Variants in UBASH3B observed in about 807,000 individuals in gnomAD.
The protein encoded by UBASH3B is ubiquitin-associated and SH3 domain-containing protein B.
In UBASH3B, 37 loss-of-function variants were observed where a neutral mutation model predicts 83.4. The observed-to-expected ratio is 0.44, with a 90% CI of 0.34 to 0.58. The LOEUF is 0.58. Ranked by LOEUF, UBASH3B falls within the 20% of genes least tolerant of loss-of-function variation. UBASH3B has a pLI of 0.01. For synonymous variants in UBASH3B, 304 were observed against 318.3 expected (o/e 0.96, Z 0.48); for missense variants, 657 against 827.2 (o/e 0.79, Z 2.52).
At chr11:122,743,724 G>C (rs1591795007) in intron 1 of UBASH3B, among the ~76,000 whole-genome samples, 1 of 152,220 alleles carries the variant, frequency 6.6e-6, no homozygotes, top group Middle Eastern at 3.2e-3. Flanking sequence ...GTTGGGGTAC[G>C]GCACAAAGCA....
chr11:122,725,328 C>CAAAAAAAAAA (rs527272428), intron 1 of UBASH3B, among the ~76,000 whole-genome samples: 9 of 87,870 alleles, frequency 1.0e-4, no homozygotes, highest in South Asian at 3.7e-4. Context: ...GCACCATAAA[C>CAAAAAAAAAA]AAAAAAAAAA....
At position 122,808,162 on chromosome 11, in the gene UBASH3B, C is replaced by A; in HGVS notation, c.1798C>A (p.Gln600Lys). The A allele has an allele frequency of 1.2e-6, 2 of 1,614,056 alleles. No homozygotes were observed. Among genetic ancestry groups the A allele is most frequent in the Non-Finnish European group, 1.7e-6 (2 of 1,179,922 alleles). Residue 600 changes from glutamine (Q) to lysine (K), a missense_variant, in exon 13 of 14, where the codon CAA (glutamine) becomes AAA (lysine). Physicochemically the swap from Gln to Lys is moderately conservative, Grantham distance 53 (BLOSUM62 1). Coordinates refer to ENST00000284273, the MANE Select transcript of UBASH3B (RefSeq NM_032873.5). The part of the protein sequence containing the change: ...LSPQNSKDFV[Q>K]MVRKIPYLGF... ...ACCTCAGAACTCCAAGGACTTCGTACAAATGGTCCGAAAGGTAATTCATTC... is the reference window on the plus strand; with the variant it reads ...ACCTCAGAACTCCAAGGACTTCGTAAAAATGGTCCGAAAGGTAATTCATTC...
At chr11:122,799,543 A>C (rs532236295) in intron 10 of UBASH3B, among the ~76,000 whole-genome samples, 4 of 152,264 alleles carry the variant, frequency 2.6e-5, no homozygotes, top group African/African-American at 9.6e-5. Context: ...AAGTATACTA[A>C]TGTTTTCCTT....
At chr11:122,677,310 C>T (rs1415163511) in intron 1 of UBASH3B, among the ~76,000 whole-genome samples, 2 of 152,136 alleles carry the variant, frequency 1.3e-5, no homozygotes, top group African/African-American at 4.8e-5. Flanking sequence ...TGGAATCATT[C>T]CCCTATGGAT....
At chr11:122,727,259 C>CCACA (rs1350850567) in intron 1 of UBASH3B, among the ~76,000 whole-genome samples, 11 of 152,290 alleles carry the variant, frequency 7.2e-5, no homozygotes, top group African/African-American at 2.6e-4. Flanking sequence ...AAGTGCTGAG[C>CCACA]CACACAGAAG....
intron 1 of UBASH3B, among the ~76,000 whole-genome samples, chr11:122,723,738 A>G (rs1591786994): frequency 6.6e-6 from 1 of 152,172 alleles, no homozygotes; most frequent in East Asian, 1.9e-4. Context: ...TTAGTGGTAA[A>G]CCTTTCCTGT....
At chr11:122,787,383 T>C (rs1036366674) in intron 5 of UBASH3B, among the ~76,000 whole-genome samples, 2 of 152,096 alleles carry the variant, frequency 1.3e-5, no homozygotes, top group Non-Finnish European at 2.9e-5. Context: ...GACCTAGAAC[T>C]GAAAGATGCT....
intron 1 of UBASH3B, among the ~76,000 whole-genome samples, chr11:122,701,599 C>T (rs571230762): frequency 6.6e-6 from 1 of 152,186 alleles, no homozygotes; most frequent in Admixed American, 6.5e-5. Context: ...TCACAGGGTC[C>T]TCGCTTGCAT....
At chr11:122,671,433 T>C (rs1863591906) in intron 1 of UBASH3B, among the ~76,000 whole-genome samples, 1 of 152,196 alleles carries the variant, frequency 6.6e-6, no homozygotes, top group South Asian at 2.1e-4. Context: ...GCAATCAAGA[T>C]ACCCTCCTGG....
chr11:122,718,468 G>C (rs140032569), intron 1 of UBASH3B, among the ~76,000 whole-genome samples: 6 of 152,230 alleles, frequency 3.9e-5, no homozygotes, highest in Admixed American at 3.9e-4. Context: ...ATCTCCAGCC[G>C]TGTGACCTTG....
intron 1 of UBASH3B, among the ~76,000 whole-genome samples, chr11:122,696,139 G>A (rs1863962110): frequency 6.6e-6 from 1 of 150,954 alleles, no homozygotes; most frequent in Non-Finnish European, 1.5e-5. Flanking sequence ...TAGTAGAGAC[G>A]GGGTTTCACC....
intron 1 of UBASH3B, among the ~76,000 whole-genome samples, chr11:122,711,058 A>C (rs1864184542): frequency 6.6e-6 from 1 of 152,184 alleles, no homozygotes; most frequent in African/African-American, 2.4e-5. Flanking sequence ...CTGTTCTCTG[A>C]TGACTGTTGG....
intron 1 of UBASH3B, among the ~76,000 whole-genome samples, chr11:122,719,446 A>C (rs1406276436): frequency 1.3e-5 from 2 of 152,088 alleles, no homozygotes; most frequent in Non-Finnish European, 2.9e-5. Context: ...CCTTTCTTTC[A>C]TTACTCTCTC....
chr11:122,747,938 A>G (rs760399807), intron 1 of UBASH3B, among the ~76,000 whole-genome samples: 1 of 152,200 alleles, frequency 6.6e-6, no homozygotes, highest in Non-Finnish European at 1.5e-5. Flanking sequence ...GACTGTTGTG[A>G]GGGTTAAATG....
intron 1 of UBASH3B, among the ~76,000 whole-genome samples, chr11:122,762,714 G>C (rs1001108429): frequency 6.6e-6 from 1 of 152,072 alleles, no homozygotes; most frequent in East Asian, 1.9e-4. Flanking sequence ...TTATGTTATC[G>C]CCTTACCTGA....
intron 1 of UBASH3B, among the ~76,000 whole-genome samples, chr11:122,682,920 C>T (rs1382681096): frequency 6.6e-6 from 1 of 152,194 alleles, no homozygotes; most frequent in Non-Finnish European, 1.5e-5. Context: ...ATCAATACCA[C>T]CCACTTCCCC....
At chr11:122,757,957 C>T (rs1178172768) in intron 1 of UBASH3B, among the ~76,000 whole-genome samples, 2 of 147,324 alleles carry the variant, frequency 1.4e-5, no homozygotes, top group East Asian at 2.1e-4. Flanking sequence ...CCACCCGCCT[C>T]GGCCTCCCAA....
At chr11:122,688,510 A>G (rs1863838220) in intron 1 of UBASH3B, among the ~76,000 whole-genome samples, 3 of 150,424 alleles carry the variant, frequency 2.0e-5, no homozygotes, top group South Asian at 2.1e-4. Flanking sequence ...CAGTAGTGCA[A>G]TCTCGGCTCA....
At position 122,796,850 on chromosome 11, in the gene UBASH3B, A is replaced by G. The variant is rs1428893738; in HGVS notation, c.1235-61A>G. Reference sequence around the variant, plus strand: ...GGGGGTGGAGAGTGTCAGGATCAGTAAGGGAGTCCCAAGTAAACAAGAAAT... The same window carrying G: ...GGGGGTGGAGAGTGTCAGGATCAGTGAGGGAGTCCCAAGTAAACAAGAAAT... On this transcript the variant is annotated intron_variant, in intron 8 of 13. Coordinates refer to ENST00000284273, the MANE Select transcript of UBASH3B (RefSeq NM_032873.5). 6 of 1,612,290 alleles carry G rather than the reference A, an allele frequency of 3.7e-6. No homozygotes were observed. The Admixed American group carries it at 1.0e-4, about 27-fold the overall frequency.
Sources: allele counts gnomAD v4.1 joint callset (sites outside exome capture counted in the v4.1 genomes callset), GRCh38; gene constraint gnomAD v4.1.1; transcripts MANE v1.5; gene names NCBI Gene and HGNC (gene_info 2026-07-23, HGNC 2026-07-21).